The following ADAMTS17 variants were observed in gnomAD, a reference collection of about 807,000 sequenced individuals.
ADAMTS17 encodes the protein ADAM metallopeptidase with thrombospondin type 1 motif 17.
A neutral mutation model predicts 141.5 loss-of-function variants in ADAMTS17; 113 were observed. The ratio of observed to expected loss-of-function variants is 0.80; its 90% CI spans 0.69 to 0.93. The LOEUF (loss-of-function observed/expected upper bound fraction) is 0.93, where lower values mean the gene tolerates loss of function less well. Among genes scored for constraint, ADAMTS17 ranks in the 40% least tolerant of loss-of-function variants. ADAMTS17 has a pLI of 0.00. For synonymous variants in ADAMTS17, 768 were observed against 630.6 expected, an observed-to-expected ratio of 1.22 and a Z score of -3.27; for missense variants, 1,659 against 1,517.9, an observed-to-expected ratio of 1.09 and a Z score of -1.54.
intron 4 of ADAMTS17, among the ~76,000 whole-genome samples, chr15:100,280,344 T>C (rs2044238938): frequency 6.6e-6 from 1 of 152,110 alleles, no homozygotes; most frequent in Non-Finnish European, 1.5e-5. Context: ...CACCAATTCC[T>C]GCAGCTCCTT....
intron 18 of ADAMTS17, among the ~76,000 whole-genome samples, chr15:100,037,183 A>G (rs1156584700): frequency 6.6e-6 from 1 of 152,196 alleles, no homozygotes; most frequent in East Asian, 1.9e-4. Context: ...CCAGAGTATG[A>G]AAGTCCTGAC....
chr15:100,079,196 C>G (rs912994550), intron 15 of ADAMTS17, among the ~76,000 whole-genome samples: 2 of 152,186 alleles, frequency 1.3e-5, no homozygotes, highest in Admixed American at 1.3e-4. Flanking sequence ...ATTCCATTCC[C>G]AGGTATATAC....
chr15:100,114,429 C>G (rs1019968727), intron 13 of ADAMTS17, among the ~76,000 whole-genome samples: 2 of 152,054 alleles, frequency 1.3e-5, no homozygotes, highest in African/African-American at 2.4e-5. Flanking sequence ...AATTGGCCAT[C>G]TATTATTTTG....
At chr15:99,982,827 G>C (rs1166811200) in intron 20 of ADAMTS17, among the ~76,000 whole-genome samples, 2 of 152,162 alleles carry the variant, frequency 1.3e-5, no homozygotes, top group African/African-American at 4.8e-5. Context: ...CCCCTCCCCA[G>C]CAGGTGCCCA....
At chr15:100,094,904 C>T (rs2035669353) in intron 15 of ADAMTS17, among the ~76,000 whole-genome samples, 2 of 152,198 alleles carry the variant, frequency 1.3e-5, no homozygotes, top group Admixed American at 1.3e-4. Context: ...GGGCAACGCT[C>T]TGGAGCTGTG....
intron 14 of ADAMTS17, among the ~76,000 whole-genome samples, chr15:100,105,492 C>T (rs1032006665): frequency 2.6e-5 from 4 of 152,148 alleles, no homozygotes; most frequent in Admixed American, 6.5e-5. Context: ...GGAAGGCGTG[C>T]ATCCCAATGT....
At chr15:100,069,570 G>A (rs2033818234) in intron 15 of ADAMTS17, among the ~76,000 whole-genome samples, 1 of 152,188 alleles carries the variant, frequency 6.6e-6, no homozygotes, top group Non-Finnish European at 1.5e-5. Context: ...CAAGCCAGAA[G>A]AGAGTGGGGG....
At chr15:99,991,382 A>G (rs932744643) in intron 20 of ADAMTS17, among the ~76,000 whole-genome samples, 103 of 152,376 alleles carry the variant, frequency 6.8e-4, no homozygotes, top group African/African-American at 2.4e-3. Flanking sequence ...ACACTTCTCA[A>G]AAGAAGACAT....
intron 3 of ADAMTS17, among the ~76,000 whole-genome samples, chr15:100,309,295 G>C (rs2045328166): frequency 6.6e-6 from 1 of 152,226 alleles, no homozygotes; most frequent in Admixed American, 6.5e-5. Context: ...GAAGGTCGAG[G>C]CTGCAGTGAG....
intron 18 of ADAMTS17, among the ~76,000 whole-genome samples, chr15:100,000,814 C>T (rs1043411114): frequency 6.6e-6 from 1 of 152,052 alleles, no homozygotes; most frequent in Non-Finnish European, 1.5e-5. Context: ...TGCCCGGCCC[C>T]AACCATACTG....
chr15:100,264,679 G>A (rs1371662316), intron 4 of ADAMTS17, among the ~76,000 whole-genome samples: 2 of 152,158 alleles, frequency 1.3e-5, no homozygotes, highest in African/African-American at 2.4e-5. Flanking sequence ...TCCTTGGCTG[G>A]CTGATGACAG....
At chr15:100,244,421 C>CTG (rs2042924812) in intron 7 of ADAMTS17, among the ~76,000 whole-genome samples, 1 of 149,540 alleles carries the variant, frequency 6.7e-6, no homozygotes, top group South Asian at 2.2e-4. Flanking sequence ...TACAGTTTGG[C>CTG]TGTGTCCCCA....
intron 10 of ADAMTS17, among the ~76,000 whole-genome samples, chr15:100,138,933 A>G (rs779583847): frequency 2.0e-5 from 3 of 150,080 alleles, no homozygotes; most frequent in Non-Finnish European, 4.4e-5. Flanking sequence ...AAAAAACAAG[A>G]AGGACAAAAA....
At chr15:100,189,896 T>C (rs1018737555) in intron 8 of ADAMTS17, among the ~76,000 whole-genome samples, 1 of 152,204 alleles carries the variant, frequency 6.6e-6, no homozygotes, top group Non-Finnish European at 1.5e-5. Context: ...AGGGCCCAGC[T>C]TCTCCCAGTG....
intron 20 of ADAMTS17, among the ~76,000 whole-genome samples, chr15:99,977,400 A>ATATATATATAT (rs1491361858): frequency 1.5e-3 from 7 of 4,746 alleles, no homozygotes; most frequent in African/African-American, 4.4e-3. Flanking sequence ...ATATATATAT[A>ATATATATATAT]ATTTTTTTTT....
At chr15:100,149,107 C>A (rs990500021) in intron 10 of ADAMTS17, among the ~76,000 whole-genome samples, 2 of 152,210 alleles carry the variant, frequency 1.3e-5, no homozygotes, top group African/African-American at 4.8e-5. Context: ...CGCTCTCCTG[C>A]CATACCCAAC....
intron 8 of ADAMTS17, among the ~76,000 whole-genome samples, chr15:100,173,886 T>C (rs2040245671): frequency 6.6e-6 from 1 of 152,078 alleles, no homozygotes; most frequent in Non-Finnish European, 1.5e-5. Context: ...CCCAGGTGAG[T>C]CTAGTGTACC....
At chr15:100,128,013 A>G (rs2037833177) in intron 12 of ADAMTS17, among the ~76,000 whole-genome samples, 2 of 151,910 alleles carry the variant, frequency 1.3e-5, no homozygotes, top group African/African-American at 4.8e-5. Context: ...TGCTGCATTC[A>G]CCACCCTCCT....
At chr15:100,133,081 T>C (rs750224173) in intron 11 of ADAMTS17, 133 bp downstream of exon 11, 1 of 796,254 alleles carries the variant, frequency 1.3e-6, no homozygotes, top group South Asian at 1.7e-5. Flanking sequence ...GTGGCCTCCA[T>C]GGGCATTTCT....
Sources: allele counts gnomAD v4.1 joint callset (sites outside exome capture counted in the v4.1 genomes callset), GRCh38; gene constraint gnomAD v4.1.1; transcripts MANE v1.5; gene names NCBI Gene and HGNC (gene_info 2026-07-23, HGNC 2026-07-21).